CAMTA1: variants seen among roughly 807,000 people sequenced by gnomAD.
CAMTA1 encodes calmodulin-binding transcription activator 1.
Under a neutral mutation model 170.9 loss-of-function variants are expected in CAMTA1, and 27 were observed. The ratio of observed to expected loss-of-function variants is 0.16; its 90% CI spans 0.12 to 0.22. The LOEUF (loss-of-function observed/expected upper bound fraction) is 0.22, where lower values mean the gene tolerates loss of function less well. Among genes scored for constraint, CAMTA1 ranks in the 10% least tolerant of loss-of-function variants. CAMTA1 has a pLI of 1.00. For missense variants in CAMTA1, 1,619 were observed against 2,217.2 expected (o/e 0.73, Z 5.42); for synonymous variants, 833 against 891.5 (o/e 0.93, Z 1.17).
intron 6 of CAMTA1, among the ~76,000 whole-genome samples, chr1:7,526,489 C>T (rs1001227307): frequency 6.6e-6 from 1 of 152,188 alleles, no homozygotes; most frequent in Non-Finnish European, 1.5e-5. Flanking sequence ...CTGTCCAGGC[C>T]GTGGATACTG....
intron 4 of CAMTA1, among the ~76,000 whole-genome samples, chr1:7,149,984 G>A (rs1454447664): frequency 1.3e-5 from 2 of 150,880 alleles, no homozygotes. Context: ...TCACTGCTGG[G>A]GAAGGACTGC....
chr1:6,956,429 TTGGC>T (rs1689470519), intron 3 of CAMTA1, among the ~76,000 whole-genome samples: 1 of 152,172 alleles, frequency 6.6e-6, no homozygotes. Flanking sequence ...AGTACTCTCT[TTGGC>T]TGGTCCTCTT....
At chr1:7,723,575 C>T (rs1027552178) in intron 11 of CAMTA1, among the ~76,000 whole-genome samples, 3 of 152,082 alleles carry the variant, frequency 2.0e-5, no homozygotes, top group African/African-American at 4.8e-5. Context: ...TTCCAAAGAA[C>T]GGAAAGAGAA....
At position 7,456,259 on chromosome 1, in the gene CAMTA1, A is replaced by C. The variant is rs1575427519; in HGVS notation, c.439-11571A>C. Among the ~76,000 whole-genome samples the C allele has an allele frequency of 1.8e-5, 2 of 113,722 alleles. No individual in the cohort carries two copies. The highest frequency in any genetic ancestry group is 3.3e-5 in the African/African-American group (1 of 30,250). The allele number at this position is 113,722 out of a possible 152,430, so 74.6% of individuals were successfully genotyped here. ...GAAGGAGGGAGGGAGGAAGGGAGGA[A>C]GGGGGGCAGGGAGGCAAGAAGAATG... is the stretch of plus-strand genomic sequence containing the variant. On this transcript the variant is annotated intron_variant, in intron 5 of 22. Transcript: ENST00000303635. This position sits in a 1 kb window ranked among gnomAD's most constrained non-coding sequence, Gnocchi z 4.9.
chr1:7,176,072 A>G (rs1230286807), intron 4 of CAMTA1, among the ~76,000 whole-genome samples: 1 of 152,226 alleles, frequency 6.6e-6, no homozygotes, highest in East Asian at 1.9e-4. Flanking sequence ...CACTTGGGCT[A>G]TTCTGACCTC....
At chr1:6,839,609 G>A (rs72854268) in intron 3 of CAMTA1, among the ~76,000 whole-genome samples, 1,893 of 151,950 alleles carry the variant, frequency 0.012, 31 homozygotes, top group African/African-American at 0.043. Flanking sequence ...TAAGAACAAA[G>A]TAGAGCAGGG....
In CAMTA1 at chr1:7,670,493, TC is replaced by T. The variant is rs567238910; in HGVS notation, c.2653-415del. On this transcript the variant is annotated intron_variant, in intron 9 of 22. Coordinates refer to ENST00000303635, the MANE Select transcript of CAMTA1 (RefSeq NM_015215.4). ...CAGGCCTGTTTTCAAAACTTGGAGTTCCCTCAGTCTGTCCACAAGTGAATGA... is the reference window on the plus strand; with the variant it reads ...CAGGCCTGTTTTCAAAACTTGGAGTTCCTCAGTCTGTCCACAAGTGAATGA... Among the ~76,000 whole-genome samples, 27 of 152,264 alleles carry T rather than the reference TC, an allele frequency of 1.8e-4. 1 individual carries two copies. In the South Asian group the frequency reaches 5.2e-3, roughly 29 times the overall value.
At chr1:7,357,208 C>G (rs764527621) in intron 5 of CAMTA1, among the ~76,000 whole-genome samples, 1 of 152,228 alleles carries the variant, frequency 6.6e-6, no homozygotes, top group African/African-American at 2.4e-5. Context: ...AAGAAGGCAT[C>G]GAGGGATGCC....
intron 3 of CAMTA1, among the ~76,000 whole-genome samples, chr1:6,958,781 G>C (rs10779670): frequency 0.5 from 75,626 of 151,982 alleles, 19,174 homozygotes; most frequent in East Asian, 0.65. Context: ...CTGCGTTGCT[G>C]TGTGGCTCAC....
chr1:7,496,936 ACT>A (rs1420106890), intron 6 of CAMTA1, among the ~76,000 whole-genome samples: 1 of 151,306 alleles, frequency 6.6e-6, no homozygotes, highest in Non-Finnish European at 1.5e-5. Flanking sequence ...CCACCGAGAC[ACT>A]CTCCCTTCCT....
intron 3 of CAMTA1, among the ~76,000 whole-genome samples, chr1:6,975,590 G>A (rs1693275003): frequency 1.3e-5 from 2 of 152,120 alleles, no homozygotes; most frequent in African/African-American, 4.8e-5. Flanking sequence ...GATGGGGAGC[G>A]TGGCAGGAGA....
intron 4 of CAMTA1, among the ~76,000 whole-genome samples, chr1:7,136,971 C>G (rs906048342): frequency 3.9e-5 from 6 of 152,204 alleles, no homozygotes; most frequent in African/African-American, 1.4e-4. Context: ...AATTCTAGCC[C>G]TGGCTTTCCC....
intron 6 of CAMTA1, among the ~76,000 whole-genome samples, chr1:7,507,139 C>A: frequency 6.7e-6 from 1 of 148,796 alleles, no homozygotes; most frequent in Non-Finnish European, 1.5e-5. Flanking sequence ...TTCACACACT[C>A]ACACTCACTC....
chr1:7,460,703 T>G (rs2093064637), intron 5 of CAMTA1, among the ~76,000 whole-genome samples: 1 of 152,066 alleles, frequency 6.6e-6, no homozygotes, highest in South Asian at 2.1e-4. Context: ...TTCCCTTCCC[T>G]TCTATGAGCT....
At chr1:7,330,829 G>T (rs1377938374) in intron 5 of CAMTA1, among the ~76,000 whole-genome samples, 1 of 152,236 alleles carries the variant, frequency 6.6e-6, no homozygotes, top group Non-Finnish European at 1.5e-5. Context: ...CGCAGGAGCT[G>T]TGTGCATCCT....
intron 11 of CAMTA1, among the ~76,000 whole-genome samples, chr1:7,705,434 G>C (rs1027725217): frequency 2.6e-5 from 4 of 151,480 alleles, no homozygotes; most frequent in African/African-American, 4.8e-5. Context: ...GCGCGCGCGG[G>C]CCGGATGAGC....
In CAMTA1 at chr1:7,216,866, CATT is replaced by C. The variant is rs1659837109; in HGVS notation, c.303-32622_303-32620del. Among the ~76,000 whole-genome samples the C allele has an allele frequency of 6.6e-6, 1 of 152,120 alleles. No individual in the cohort carries two copies. The highest frequency in any genetic ancestry group is 2.4e-5 in the African/African-American group (1 of 41,412). ...TAGTCTTGTTTGGTGCACTAATACT[CATT>C]ATGGTTATATTTTTATTGTGGAATG... On this transcript the variant is annotated intron_variant, in intron 4 of 22. Coordinates refer to ENST00000303635, the MANE Select transcript of CAMTA1 (RefSeq NM_015215.4). The surrounding 1 kb of genome is among the most constrained non-coding windows in gnomAD (Gnocchi z 4.0).
intron 5 of CAMTA1, among the ~76,000 whole-genome samples, chr1:7,259,617 C>T (rs774751032): frequency 6.6e-6 from 1 of 152,176 alleles, no homozygotes; most frequent in Non-Finnish European, 1.5e-5. Flanking sequence ...TTTACCTTGT[C>T]TTAAGAGAAA....
intron 4 of CAMTA1, among the ~76,000 whole-genome samples, chr1:7,197,709 T>C (rs1026716831): frequency 1.0e-4 from 15 of 150,022 alleles, no homozygotes; most frequent in South Asian, 4.3e-4. Context: ...GCTCATTTCA[T>C]TGACGCTTCC....
Sources: allele counts gnomAD v4.1 joint callset (sites outside exome capture counted in the v4.1 genomes callset), GRCh38; gene constraint gnomAD v4.1.1; non-coding constraint Gnocchi (gnomAD v3.1); transcripts MANE v1.5; gene names NCBI Gene and HGNC (gene_info 2026-07-23, HGNC 2026-07-21).